PLCL1: variants seen among roughly 807,000 people sequenced by gnomAD.
The protein encoded by PLCL1 is inactive phospholipase C-like protein 1.
Under a neutral mutation model 84.4 loss-of-function variants are expected in PLCL1, and 41 were observed. The ratio of observed to expected loss-of-function variants is 0.49; its 90% CI spans 0.38 to 0.63. PLCL1 has a LOEUF of 0.63. Among genes scored for constraint, PLCL1 ranks in the 30% least tolerant of loss-of-function variants. PLCL1 has a pLI of 0.00. For missense variants in PLCL1, 1,206 were observed against 1,367.8 expected, an observed-to-expected ratio of 0.88 and a Z score of 1.87; for synonymous variants, 490 against 488.3, an observed-to-expected ratio of 1.00 and a Z score of -0.05.
chr2:197,957,086 A>C (rs563902232), intron 1 of PLCL1, among the ~76,000 whole-genome samples: 2 of 151,994 alleles, frequency 1.3e-5, no homozygotes, highest in Non-Finnish European at 2.9e-5. Context: ...TTCTCCTTCT[A>C]TCTTATAATC....
chr2:197,891,040 GT>G (rs1000591485), intron 1 of PLCL1, among the ~76,000 whole-genome samples: 54 of 143,402 alleles, frequency 3.8e-4, no homozygotes, highest in African/African-American at 7.7e-4. Context: ...TGCTTCAAAA[GT>G]TTTTTTTTTT....
intron 1 of PLCL1, among the ~76,000 whole-genome samples, chr2:197,816,124 C>A (rs1457098285): frequency 2.6e-5 from 4 of 152,048 alleles, no homozygotes; most frequent in Non-Finnish European, 4.4e-5. Context: ...ATAAATGTGG[C>A]AAACTTCACT....
At position 197,991,773 on chromosome 2, in the gene PLCL1, A is replaced by C. The variant is rs561796031; in HGVS notation, c.241-91985A>C. On this transcript the variant is annotated intron_variant, in intron 1 of 5. Coordinates refer to ENST00000428675, the MANE Select transcript of PLCL1 (RefSeq NM_006226.4). ...TGAGAAGCCCTTCTCTTTCCCACTC[A>C]GTGCTTCTACTTCCTCTCATCCTCT... Among the ~76,000 whole-genome samples the C allele has an allele frequency of 1.0e-3, 157 of 152,238 alleles. 1 individual carries two copies. The highest frequency in any genetic ancestry group is 3.7e-3 in the African/African-American group (154 of 41,552).
intron 5 of PLCL1, among the ~76,000 whole-genome samples, chr2:198,137,858 G>A (rs1248557851): frequency 6.6e-6 from 1 of 152,080 alleles, no homozygotes; most frequent in Non-Finnish European, 1.5e-5. Context: ...GTAGGGGCAG[G>A]GATGATGTCT....
intron 1 of PLCL1, among the ~76,000 whole-genome samples, chr2:198,023,465 C>A (rs917427874): frequency 6.6e-6 from 1 of 152,150 alleles, no homozygotes; most frequent in African/African-American, 2.4e-5. Context: ...AACAGGCAAC[C>A]TACAGAATGG....
chr2:197,931,809 A>G (rs1360292474), intron 1 of PLCL1, among the ~76,000 whole-genome samples: 1 of 152,012 alleles, frequency 6.6e-6, no homozygotes, highest in Non-Finnish European at 1.5e-5. Flanking sequence ...TGATAAAATT[A>G]TTTCTTGAAT....
intron 1 of PLCL1, among the ~76,000 whole-genome samples, chr2:197,867,105 G>T (rs1687564139): frequency 6.6e-6 from 1 of 152,192 alleles, no homozygotes; most frequent in Non-Finnish European, 1.5e-5. Flanking sequence ...ACTGAAGTCA[G>T]AATGATAAGC....
At chr2:197,855,644 G>A (rs1270838311) in intron 1 of PLCL1, among the ~76,000 whole-genome samples, 1 of 152,078 alleles carries the variant, frequency 6.6e-6, no homozygotes, top group African/African-American at 2.4e-5. Context: ...CAAGAGCCTA[G>A]TTACTTACAC....
rs866730033 is a variant in PLCL1 at position 197,912,614 on chromosome 2, T to A, written c.240+107275T>A. Among the ~76,000 whole-genome samples, 542 of 148,498 alleles carry A rather than the reference T, an allele frequency of 3.6e-3. 2 individuals are homozygous for A. The highest frequency in any genetic ancestry group is 0.012 in the African/African-American group (487 of 40,296). On this transcript the variant is annotated intron_variant, in intron 1 of 5. Transcript: ENST00000428675. Reference sequence around the variant, plus strand: ...ATACACCATGGAATACTATGCAGCCTTAAAAAATGATGAGTTCATGTCCTT... The same window carrying A: ...ATACACCATGGAATACTATGCAGCCATAAAAAATGATGAGTTCATGTCCTT...
chr2:198,109,821 C>A (rs1423741829), intron 5 of PLCL1, among the ~76,000 whole-genome samples: 1 of 151,674 alleles, frequency 6.6e-6, no homozygotes. Context: ...TCTAACTTGT[C>A]CTGTTGGCTA....
intron 1 of PLCL1, among the ~76,000 whole-genome samples, chr2:197,840,103 G>A (rs949746581): frequency 2.6e-5 from 4 of 152,200 alleles, no homozygotes; most frequent in African/African-American, 9.6e-5. Flanking sequence ...ATGTTTCTAA[G>A]GAAAGAGTGT....
chr2:197,858,014 G>A (rs1391749005), intron 1 of PLCL1, among the ~76,000 whole-genome samples: 1 of 152,114 alleles, frequency 6.6e-6, no homozygotes, highest in Non-Finnish European at 1.5e-5. Context: ...TACATCATGG[G>A]GCTGTTGAAC....
chr2:198,131,752 T>G (rs1388406663), intron 5 of PLCL1, among the ~76,000 whole-genome samples: 1 of 152,202 alleles, frequency 6.6e-6, no homozygotes, highest in African/African-American at 2.4e-5. Flanking sequence ...GCCTTGGTTA[T>G]CAAGCAATCA....
At chr2:198,040,077 C>T (rs762412055) in intron 1 of PLCL1, among the ~76,000 whole-genome samples, 3 of 152,154 alleles carry the variant, frequency 2.0e-5, no homozygotes, top group Non-Finnish European at 4.4e-5. Flanking sequence ...CGACTTGATA[C>T]CAAATCCAAA....
At chr2:198,126,662 T>C (rs571070692) in intron 5 of PLCL1, among the ~76,000 whole-genome samples, 1 of 152,190 alleles carries the variant, frequency 6.6e-6, no homozygotes, top group Non-Finnish European at 1.5e-5. Context: ...CCCAGCACTT[T>C]GGGAGGTTGA....
At chr2:198,130,890 G>A (rs1694103315) in intron 5 of PLCL1, among the ~76,000 whole-genome samples, 1 of 152,062 alleles carries the variant, frequency 6.6e-6, no homozygotes, top group Admixed American at 6.6e-5. Context: ...CCATAGCATA[G>A]AGCTGGAGTG....
At position 198,061,215 on chromosome 2, in the gene PLCL1, G is replaced by A. The variant is rs73979017; in HGVS notation, c.241-22543G>A. Among the ~76,000 whole-genome samples, 1,278 of 152,286 alleles carry A rather than the reference G, an allele frequency of 8.4e-3. 18 individuals carry two copies. Among genetic ancestry groups the A allele is most frequent in the African/African-American group, 0.028 (1,146 of 41,560 alleles). ...TACTGAAAGCCACTGATCATGGTGG[G>A]AGTAGGGGTGTGTTATAAAGATGTG... On this transcript the variant is annotated intron_variant, in intron 1 of 5. Transcript: ENST00000428675.
Position 198,084,688 on chromosome 2 carries a change from C to G in PLCL1, c.1171C>G (p.Pro391Ala), listed in dbSNP as rs552303476. The G allele has an allele frequency of 9.3e-6, 15 of 1,613,894 alleles. No individual in the cohort carries two copies. In the South Asian group the frequency reaches 1.3e-4, roughly 14 times the overall value. Residue 391 changes from proline (P) to alanine (A), a missense_variant, in exon 2 of 6, where the codon CCT (proline) becomes GCT (alanine). Physicochemically the swap from Pro to Ala is conservative, Grantham distance 27 (BLOSUM62 -1). Coordinates refer to ENST00000428675, the MANE Select transcript of PLCL1 (RefSeq NM_006226.4). ...GTCATCAGAATGTGACATTTTTGATCCTGAGCAAAAGAAGGTTGCCCAAGA... is the reference window on the plus strand; with the variant it reads ...GTCATCAGAATGTGACATTTTTGATGCTGAGCAAAAGAAGGTTGCCCAAGA... ...LLSSECDIFD[P>A]EQKKVAQDMT...
chr2:197,819,003 G>A (rs1226129096), intron 1 of PLCL1, among the ~76,000 whole-genome samples: 3 of 152,142 alleles, frequency 2.0e-5, no homozygotes, highest in African/African-American at 7.2e-5. Flanking sequence ...GATAATAAAT[G>A]TGTGGGGAAG....
Sources: gnomAD v4.1 joint callset for allele counts (sites outside exome capture counted in the v4.1 genomes callset) on GRCh38, gnomAD v4.1.1 for gene constraint, MANE v1.5 for transcripts, NCBI Gene and HGNC (gene_info 2026-07-23, HGNC 2026-07-21) for gene names.